Variants in DNASE2B observed in about 807,000 individuals in gnomAD.
DNASE2B encodes the protein deoxyribonuclease-2-beta.
In DNASE2B, 43 loss-of-function variants were observed where a neutral mutation model predicts 46.0. That is an observed-to-expected ratio of 0.94 (90% CI 0.73 to 1.21). The LOEUF (loss-of-function observed/expected upper bound fraction) is 1.21, where lower values mean the gene tolerates loss of function less well. Ranked by LOEUF, DNASE2B falls within the 50% of genes most tolerant of loss-of-function variation. DNASE2B has a pLI of 0.00. For synonymous variants in DNASE2B, 156 were observed against 152.5 expected, an observed-to-expected ratio of 1.02 and a Z score of -0.17; for missense variants, 395 against 414.4, an observed-to-expected ratio of 0.95 and a Z score of 0.41.
chr1:84,411,071 T>C, intron 4 of DNASE2B, 72 bp downstream of exon 4: 1 of 1,461,264 alleles, frequency 6.8e-7, no homozygotes, highest in Non-Finnish European at 9.3e-7. Context: ...TATTCATAAA[T>C]GTGTCACTTC....
chr1:84,406,395 G>C (rs1461039763), intron 2 of DNASE2B, among the ~76,000 whole-genome samples: 1 of 152,134 alleles, frequency 6.6e-6, no homozygotes, highest in Non-Finnish European at 1.5e-5. Flanking sequence ...ATACAATAAT[G>C]ATCTTTGAAG....
intron 4 of DNASE2B, among the ~76,000 whole-genome samples, chr1:84,411,425 GGTGTGTGTGTGTGTGT>G (rs71097845): frequency 0.13 from 18,558 of 139,078 alleles, 1,307 homozygotes; most frequent in East Asian, 0.29. Flanking sequence ...AGAAACCTAG[GGTGTGTGTGTGTGTGT>G]GTGTGTGTGT....
At chr1:84,406,522 G>A (rs1680493204) in intron 2 of DNASE2B, among the ~76,000 whole-genome samples, 1 of 152,098 alleles carries the variant, frequency 6.6e-6, no homozygotes, top group Non-Finnish European at 1.5e-5. Flanking sequence ...AGAAAGACTG[G>A]GGTAAGGCCT....
rs761630807 is a variant in DNASE2B at position 84,401,936 on chromosome 1, A to G, written c.161A>G (p.Lys54Arg). ...TATAAGTTACCTAAAAGACAAAACA[A>G]GGAAAGTGGAGAGACTGGGTTAGAG... ...TFYKLPKRQN[K>R]ESGETGLEYL... The change falls in exon 2 of 6, where the codon AAG (lysine) becomes AGG (arginine). Residue 54 changes from lysine (K) to arginine (R), a missense_variant. Coordinates refer to ENST00000370665, the MANE Select transcript of DNASE2B (RefSeq NM_021233.3). The G allele has an allele frequency of 6.4e-7, 1 of 1,551,836 alleles. No homozygotes were observed. The highest frequency in any genetic ancestry group is 8.6e-7 in the Non-Finnish European group (1 of 1,156,088).
At chr1:84,404,134 G>A (rs1281370247) in intron 2 of DNASE2B, among the ~76,000 whole-genome samples, 6 of 151,934 alleles carry the variant, frequency 3.9e-5, no homozygotes, top group South Asian at 2.1e-4. Flanking sequence ...ATCAGACTGC[G>A]TCTAATATTG....
chr1:84,398,758 C>G, intron 1 of DNASE2B, 69 bp downstream of exon 1: 3 of 1,573,562 alleles, frequency 1.9e-6, no homozygotes, highest in Non-Finnish European at 2.6e-6. Context: ...TGGCTCACTG[C>G]GAAGTTCCTA....
At chr1:84,400,485 A>C (rs1680385910) in intron 1 of DNASE2B, among the ~76,000 whole-genome samples, 1 of 152,178 alleles carries the variant, frequency 6.6e-6, no homozygotes. Flanking sequence ...TTTGGAGCAA[A>C]ATATTATAAA....
At chr1:84,407,598 T>A (rs1489076341) in intron 2 of DNASE2B, among the ~76,000 whole-genome samples, 1 of 152,148 alleles carries the variant, frequency 6.6e-6, no homozygotes, top group South Asian at 2.1e-4. Flanking sequence ...TTTAATTATG[T>A]CACTCAGATT....
Position 84,410,944 on chromosome 1 carries a change from A to C in DNASE2B, c.492A>C (p.Arg164=), listed in dbSNP as rs1241015820. ...EGYDYPPTGR[R]NGQSGICITF... ...ATGATTATCCACCCACAGGGAGACG[A>C]AATGGACAAAGTGGCATCTGCATAA... Residue 164 remains arginine, a synonymous_variant, in exon 4 of 6, where the codon CGA becomes CGC. Transcript: ENST00000370665. The C allele has an allele frequency of 6.2e-7, 1 of 1,613,056 alleles. No individual in the cohort carries two copies. Among genetic ancestry groups the C allele is most frequent in the East Asian group, 2.2e-5 (1 of 44,850 alleles).
At chr1:84,412,655 G>C (rs547409034) in intron 5 of DNASE2B, 109 bp downstream of exon 5, 1 of 1,136,472 alleles carries the variant, frequency 8.8e-7, no homozygotes, top group Non-Finnish European at 1.2e-6. Context: ...GATGAAAAAA[G>C]GGAGCAAAAG....
At position 84,409,878 on chromosome 1, in the gene DNASE2B, G is replaced by T. The variant is rs79716288; in HGVS notation, c.386-960G>T. On this transcript the variant is annotated intron_variant, in intron 3 of 5. Transcript: ENST00000370665. ...AAATTGGCACACTCATCTGCACAGA[G>T]GATAACTCTTGAAGGTTATCCAGTT... is the stretch of plus-strand genomic sequence containing the variant. 3.8e-3 allele frequency among the ~76,000 whole-genome samples: 580 copies of T among 152,184 alleles called. 4 individuals carry two copies. Among genetic ancestry groups the T allele is most frequent in the African/African-American group, 0.013 (526 of 41,520 alleles).
chr1:84,404,429 A>G (rs568314572), intron 2 of DNASE2B, among the ~76,000 whole-genome samples: 1 of 152,334 alleles, frequency 6.6e-6, no homozygotes, highest in Admixed American at 6.5e-5. Flanking sequence ...GATGGCTTTC[A>G]TGGCTTTTCC....
At chr1:84,403,741 C>T (rs1680456268) in intron 2 of DNASE2B, among the ~76,000 whole-genome samples, 1 of 151,956 alleles carries the variant, frequency 6.6e-6, no homozygotes, top group South Asian at 2.1e-4. Context: ...AGTTTCAGTG[C>T]CCGTATCACA....
intron 5 of DNASE2B, among the ~76,000 whole-genome samples, chr1:84,413,770 G>A (rs909186420): frequency 6.6e-6 from 1 of 152,140 alleles, no homozygotes; most frequent in Non-Finnish European, 1.5e-5. Context: ...ACTTGAAGGT[G>A]GTACAGCCAC....
intron 2 of DNASE2B, among the ~76,000 whole-genome samples, chr1:84,404,455 ATCTTCAACGCTGTAATCCTTT>A (rs1680469176): frequency 6.6e-6 from 1 of 152,192 alleles, no homozygotes; most frequent in Admixed American, 6.5e-5. Flanking sequence ...CAGAAATGGC[ATCTTCAACGCTGTAATCCTTT>A]CATGTGTTCT....
intron 1 of DNASE2B, among the ~76,000 whole-genome samples, chr1:84,400,296 A>T (rs919456237): frequency 6.6e-6 from 1 of 152,162 alleles, no homozygotes; most frequent in African/African-American, 2.4e-5. Flanking sequence ...TGAACCCAGG[A>T]GGCGGAGGTT....
intron 3 of DNASE2B, 87 bp downstream of exon 3, chr1:84,408,605 C>A: frequency 1.8e-6 from 2 of 1,102,100 alleles, no homozygotes; most frequent in Non-Finnish European, 2.5e-6. Context: ...ATATTCCATA[C>A]TAAATAGATA....
intron 3 of DNASE2B, 26 bp from the exon 4 acceptor site, chr1:84,410,812 A>T: frequency 6.3e-7 from 1 of 1,596,296 alleles, no homozygotes; most frequent in Non-Finnish European, 8.5e-7. Context: ...TTTCTGATTT[A>T]TCTTTGTTAA....
At chr1:84,411,408 A>T (rs1680589103) in intron 4 of DNASE2B, among the ~76,000 whole-genome samples, 1 of 146,666 alleles carries the variant, frequency 6.8e-6, no homozygotes, top group African/African-American at 2.5e-5. Flanking sequence ...ATTTCTCATG[A>T]AGTACCAGAA....
Sources: allele counts gnomAD v4.1 joint callset (sites outside exome capture counted in the v4.1 genomes callset), GRCh38; gene constraint gnomAD v4.1.1; transcripts MANE v1.5; gene names NCBI Gene and HGNC (gene_info 2026-07-23, HGNC 2026-07-21).